The following EPS8 variants were observed in gnomAD, a reference collection of about 807,000 sequenced individuals.
The protein encoded by EPS8 is epidermal growth factor receptor kinase substrate 8.
Under a neutral mutation model 103.8 loss-of-function variants are expected in EPS8, and 42 were observed. That is an observed-to-expected ratio of 0.40 (90% CI 0.32 to 0.52). EPS8 has a LOEUF of 0.52. Ranked by LOEUF, EPS8 falls within the 20% of genes least tolerant of loss-of-function variation. EPS8 has a pLI of 0.40. For missense variants in EPS8, 969 were observed against 1,005.1 expected, an observed-to-expected ratio of 0.96 and a Z score of 0.49; for synonymous variants, 344 against 344.6, an observed-to-expected ratio of 1.00 and a Z score of 0.02.
chr12:15,624,532 T>C, intron 18 of EPS8, 125 bp from the exon 19 acceptor site: 1 of 632,612 alleles, frequency 1.6e-6, no homozygotes, highest in Non-Finnish European at 2.6e-6. Flanking sequence ...CTACCATCTT[T>C]CCTCACTTTT....
At chr12:15,768,187 C>T (rs779829215) in intron 1 of EPS8, among the ~76,000 whole-genome samples, 14 of 151,906 alleles carry the variant, frequency 9.2e-5, no homozygotes, top group Non-Finnish European at 1.6e-4. Flanking sequence ...CGTTTGTAAT[C>T]CCAGCACTTT....
chr12:15,638,315 T>A (rs1265348050), intron 17 of EPS8, among the ~76,000 whole-genome samples: 1 of 152,164 alleles, frequency 6.6e-6, no homozygotes, highest in Non-Finnish European at 1.5e-5. Context: ...AGAATAGGAA[T>A]CCTTTTAGAG....
In EPS8 at chr12:15,728,274, G is replaced by A. The variant is rs773223198; in HGVS notation, c.-21-45302C>T. 2.0e-5 allele frequency: 3 copies of A among 152,222 alleles called. No individual in the cohort carries two copies. The highest frequency in any genetic ancestry group is 2.9e-5 in the Non-Finnish European group (2 of 68,062). The allele number at this position is 152,222 out of a possible 1,614,324, so 9.4% of individuals were successfully genotyped here. A position where few individuals can be genotyped will look rare whatever the true frequency, so the allele number is the denominator to read the frequency against. On this transcript the variant is annotated intron_variant, in intron 1 of 20. Transcript: ENST00000281172. The surrounding 1 kb of genome is among the most constrained non-coding windows in gnomAD (Gnocchi z 4.5). ...TTCATCACCATGGCAATAAAAGCAG[G>A]CACGGAAGCCAATTCATAGATTCCA...
rs935323869 is a variant in EPS8, at chr12:15,727,818, A to G, written c.-21-44846T>C. Among the ~76,000 whole-genome samples the G allele has an allele frequency of 1.3e-5, 2 of 152,228 alleles. No homozygotes were observed. The highest frequency in any genetic ancestry group is 4.8e-5 in the African/African-American group (2 of 41,456). ...GGTTGCAGTGAGCCAAGGTTGTGCC[A>G]CTGCACTCCAGCCTGGGCGACAGAG... On this transcript the variant is annotated intron_variant, in intron 1 of 20. Coordinates refer to ENST00000281172, the MANE Select transcript of EPS8 (RefSeq NM_004447.6). The surrounding 1 kb of genome is among the most constrained non-coding windows in gnomAD (Gnocchi z 4.3).
At chr12:15,685,974 TA>T (rs1175591117) in intron 1 of EPS8, among the ~76,000 whole-genome samples, 1 of 152,222 alleles carries the variant, frequency 6.6e-6, no homozygotes, top group Non-Finnish European at 1.5e-5. Flanking sequence ...TTAATCACAC[TA>T]ACTACATAAT....
Position 15,654,869 on chromosome 12 carries a change from T to G in EPS8, c.1102-576A>C, listed in dbSNP as rs145579013. Among the ~76,000 whole-genome samples, 426 of 152,248 alleles carry G rather than the reference T, an allele frequency of 2.8e-3. 7 individuals carry two copies. The highest frequency in any genetic ancestry group is 9.7e-3 in the African/African-American group (402 of 41,552). On this transcript the variant is annotated intron_variant, in intron 12 of 20. Coordinates refer to ENST00000281172, the MANE Select transcript of EPS8 (RefSeq NM_004447.6). ...TTATTTTTAGAAAATTCCTCTGATTTAATATGGATAATTTAATGACAGCAG... is the reference window on the plus strand; with the variant it reads ...TTATTTTTAGAAAATTCCTCTGATTGAATATGGATAATTTAATGACAGCAG...
intron 1 of EPS8, among the ~76,000 whole-genome samples, chr12:15,755,161 T>G (rs909095822): frequency 6.6e-6 from 1 of 152,222 alleles, no homozygotes; most frequent in South Asian, 2.1e-4. Flanking sequence ...TTTCAGAGCC[T>G]CTGCAGTCTA....
rs966179712 is a variant in EPS8 at position 15,704,263 on chromosome 12, A to G, written c.-21-21291T>C. Among the ~76,000 whole-genome samples, 5 of 152,178 alleles carry G rather than the reference A, an allele frequency of 3.3e-5. No individual in the cohort carries two copies. Among genetic ancestry groups the G allele is most frequent in the Admixed American group, 3.3e-4 (5 of 15,276 alleles). ...CAAAAGAACTGAAAGTAGAGACTAG[A>G]TATTTGTACACCCATGCTCATATCA... On this transcript the variant is annotated intron_variant, in intron 1 of 20. Coordinates refer to ENST00000281172, the MANE Select transcript of EPS8 (RefSeq NM_004447.6). The surrounding 1 kb of genome is among the most constrained non-coding windows in gnomAD (Gnocchi z 4.6).
intron 17 of EPS8, among the ~76,000 whole-genome samples, chr12:15,632,269 T>C (rs1040522548): frequency 6.6e-6 from 1 of 152,196 alleles, no homozygotes; most frequent in African/African-American, 2.4e-5. Context: ...GGTCTTTAAA[T>C]GTTTATGATT....
At chr12:15,681,197 AT>A in intron 3 of EPS8, 28 bp downstream of exon 3, 1 of 1,252,414 alleles carries the variant, frequency 8.0e-7, no homozygotes, top group Non-Finnish European at 1.1e-6. Context: ...TAGAAACAAA[AT>A]TATACCCTAT....
rs1173871802 is a variant in EPS8, at chr12:15,712,812, T to G, written c.-21-29840A>C. The G allele has an allele frequency of 3.1e-6, 3 of 957,244 alleles. No homozygotes were observed. In the African/African-American group the frequency reaches 5.3e-5, roughly 17 times the overall value. The allele number at this position is 957,244 out of a possible 1,614,324, so 59.3% of individuals were successfully genotyped here. A position where few individuals can be genotyped will look rare whatever the true frequency, so the allele number is the denominator to read the frequency against. The stretch of plus-strand genomic sequence containing the variant: ...ATAATAATTACGCCTTTGAGAGCCC[T>G]CCTTAGCAAAGAAAATATTAACAAA... On this transcript the variant is annotated intron_variant, in intron 1 of 20. Coordinates refer to ENST00000281172, the MANE Select transcript of EPS8 (RefSeq NM_004447.6).
intron 1 of EPS8, among the ~76,000 whole-genome samples, chr12:15,729,550 G>A (rs531845824): frequency 6.6e-6 from 1 of 152,094 alleles, no homozygotes; most frequent in South Asian, 2.1e-4. Context: ...GGCATCAAAG[G>A]AATCAAAGGC....
In EPS8 at chr12:15,690,034, A is replaced by G. The variant is rs1946150872; in HGVS notation, c.-21-7062T>C. Among the ~76,000 whole-genome samples, 1 of 152,192 alleles carries G rather than the reference A, an allele frequency of 6.6e-6. No individual in the cohort carries two copies. Among genetic ancestry groups the G allele is most frequent in the Middle Eastern group, 3.2e-3 (1 of 316 alleles). On this transcript the variant is annotated intron_variant, in intron 1 of 20. Coordinates refer to ENST00000281172, the MANE Select transcript of EPS8 (RefSeq NM_004447.6). The surrounding 1 kb of genome is among the most constrained non-coding windows in gnomAD (Gnocchi z 4.7). ...CAGCAAGAAGAGCTGTAACCCAAGG[A>G]TGAGATATAATATTTTAATATTTAA...
At chr12:15,692,427 G>T (rs1946188045) in intron 1 of EPS8, among the ~76,000 whole-genome samples, 1 of 137,256 alleles carries the variant, frequency 7.3e-6, no homozygotes, top group Admixed American at 8.1e-5. Flanking sequence ...CCAATTTTTT[G>T]TATAGAGCCT....
At position 15,701,758 on chromosome 12, in the gene EPS8, C is replaced by T. The variant is rs1946314073; in HGVS notation, c.-21-18786G>A. ...GAAACATTGGAAATATCTCACAGAC[C>T]TATAAAAACACCAAAATGATACTGC... On this transcript the variant is annotated intron_variant, in intron 1 of 20. Coordinates refer to ENST00000281172, the MANE Select transcript of EPS8 (RefSeq NM_004447.6). This position sits in a 1 kb window ranked among gnomAD's most constrained non-coding sequence, Gnocchi z 5.1. Among the ~76,000 whole-genome samples, 1 of 152,082 alleles carries T rather than the reference C, an allele frequency of 6.6e-6. No individual in the cohort carries two copies. The highest frequency in any genetic ancestry group is 6.6e-5 in the Admixed American group (1 of 15,264).
intron 17 of EPS8, among the ~76,000 whole-genome samples, chr12:15,635,456 A>C (rs563340804): frequency 6.6e-6 from 1 of 152,260 alleles, no homozygotes; most frequent in African/African-American, 2.4e-5. Flanking sequence ...TGAAGAACTG[A>C]ATATTATCAG....
At chr12:15,758,669 A>G (rs1947012016) in intron 1 of EPS8, among the ~76,000 whole-genome samples, 1 of 152,236 alleles carries the variant, frequency 6.6e-6, no homozygotes, top group Non-Finnish European at 1.5e-5. Flanking sequence ...TAAACAAACA[A>G]AAGAGCTATG....
At chr12:15,628,316 AATC>A (rs1944984870) in intron 18 of EPS8, among the ~76,000 whole-genome samples, 2 of 152,292 alleles carry the variant, frequency 1.3e-5, no homozygotes, top group Admixed American at 1.3e-4. Flanking sequence ...TCAGTATATC[AATC>A]ATCACCAGTC....
chr12:15,679,276 C>A (rs951136737), intron 3 of EPS8, among the ~76,000 whole-genome samples: 1 of 152,160 alleles, frequency 6.6e-6, no homozygotes, highest in Non-Finnish European at 1.5e-5. Context: ...TCAAAGGCTG[C>A]TCATTCATTG....
Sources: allele counts gnomAD v4.1 joint callset (sites outside exome capture counted in the v4.1 genomes callset), GRCh38; gene constraint gnomAD v4.1.1; non-coding constraint Gnocchi (gnomAD v3.1); transcripts MANE v1.5; gene names NCBI Gene and HGNC (gene_info 2026-07-23, HGNC 2026-07-21).